DPP10: variants seen among roughly 807,000 people sequenced by gnomAD.
DPP10 encodes dipeptidyl peptidase like 10.
In DPP10, 33 loss-of-function variants were observed where a neutral mutation model predicts 120.9. That is an observed-to-expected ratio of 0.27 (90% CI 0.21 to 0.37). The LOEUF (loss-of-function observed/expected upper bound fraction) is 0.37, where lower values mean the gene tolerates loss of function less well. Ranked by LOEUF, DPP10 falls within the 10% of genes least tolerant of loss-of-function variation. The pLI, the probability that DPP10 is intolerant of heterozygous loss-of-function variation, is 1.00. For synonymous variants in DPP10, 337 were observed against 326.1 expected, an observed-to-expected ratio of 1.03 and a Z score of -0.36; for missense variants, 816 against 942.8, an observed-to-expected ratio of 0.87 and a Z score of 1.76.
chr2:115,647,924 C>T (rs1026668479), intron 5 of DPP10, among the ~76,000 whole-genome samples: 1 of 152,136 alleles, frequency 6.6e-6, no homozygotes. Flanking sequence ...TTACGTTCAT[C>T]GTGAATTTTG....
intron 1 of DPP10, among the ~76,000 whole-genome samples, chr2:115,109,987 C>G (rs1337816564): frequency 1.3e-5 from 2 of 152,152 alleles, no homozygotes; most frequent in African/African-American, 4.8e-5. Context: ...AGTAACTTAG[C>G]AAGTATGAGC....
chr2:114,626,367 A>G lies in DPP10; in HGVS notation c.60+183529A>G, dbSNP rs565878079. Among the ~76,000 whole-genome samples the G allele has an allele frequency of 5.9e-5, 9 of 152,190 alleles. No individual in the cohort carries two copies. In the South Asian group the frequency reaches 1.7e-3, roughly 28 times the overall value. ...AGTAATTCCACCAACTGGATATTTAATGAAGTTTATCTGTTTTCTTTACTT... is the reference window on the plus strand; with the variant it reads ...AGTAATTCCACCAACTGGATATTTAGTGAAGTTTATCTGTTTTCTTTACTT... On this transcript the variant is annotated intron_variant, in intron 1 of 25. Transcript: ENST00000410059.
At chr2:115,680,830 A>C (rs536700930) in intron 5 of DPP10, among the ~76,000 whole-genome samples, 2 of 152,068 alleles carry the variant, frequency 1.3e-5, no homozygotes, top group Admixed American at 6.5e-5. Context: ...CTGTCATATA[A>C]AAAGAGCTTT....
intron 1 of DPP10, among the ~76,000 whole-genome samples, chr2:115,242,805 C>A (rs971078887): frequency 6.6e-6 from 1 of 151,516 alleles, no homozygotes; most frequent in Non-Finnish European, 1.5e-5. Flanking sequence ...TAGCTTAGCT[C>A]CCACTTATAA....
At chr2:115,162,415 C>A in intron 1 of DPP10, 1 of 1,223,222 alleles carries the variant, frequency 8.2e-7, no homozygotes, top group Non-Finnish European at 1.1e-6. Flanking sequence ...GGCCGCTCAC[C>A]GGGTTCGAGC....
intron 1 of DPP10, among the ~76,000 whole-genome samples, chr2:114,554,089 C>A (rs1404639240): frequency 6.6e-6 from 1 of 152,186 alleles, no homozygotes; most frequent in Non-Finnish European, 1.5e-5. Context: ...GTTAGTGAAT[C>A]CATAATTGCT....
rs990828376 is a variant in DPP10 at position 115,797,896 on chromosome 2, ATTTG to A, written c.1700+6545_1700+6548del. ...TTATAGATAATGCCTAAGCTATAATATTTGTTTGGTGTTTATTTTAACTGGAATA... is the reference window on the plus strand; with the variant it reads ...TTATAGATAATGCCTAAGCTATAATATTTGGTGTTTATTTTAACTGGAATA... On this transcript the variant is annotated intron_variant, in intron 19 of 25. Coordinates refer to ENST00000410059, the MANE Select transcript of DPP10 (RefSeq NM_020868.6). Among the ~76,000 whole-genome samples, 40 of 151,750 alleles carry A rather than the reference ATTTG, an allele frequency of 2.6e-4. No individual in the cohort carries two copies. The East Asian group carries it at 4.5e-3, about 17-fold the overall frequency.
intron 1 of DPP10, among the ~76,000 whole-genome samples, chr2:114,517,197 C>T (rs973252025): frequency 2.6e-5 from 4 of 152,114 alleles, no homozygotes; most frequent in Admixed American, 1.3e-4. Context: ...AATCATTTCA[C>T]GGACAAGTTC....
chr2:115,450,022 C>A (rs1479232191), intron 3 of DPP10, among the ~76,000 whole-genome samples: 3 of 152,002 alleles, frequency 2.0e-5, no homozygotes, highest in African/African-American at 7.2e-5. Flanking sequence ...ATTGAGGCCT[C>A]TTGAATCCCA....
rs559865042 is a variant in DPP10, at chr2:114,974,565, T to C, written c.61-334674T>C. Among the ~76,000 whole-genome samples, 228 of 151,768 alleles carry C rather than the reference T, an allele frequency of 1.5e-3. 3 individuals carry two copies. Among genetic ancestry groups the C allele is most frequent in the African/African-American group, 5.3e-3 (218 of 41,420 alleles). ...CCCGAGTAGCTGGGATTAGCCACCATGCCCAGCTAAATTTTGTATTTTTAG... is the reference window on the plus strand; with the variant it reads ...CCCGAGTAGCTGGGATTAGCCACCACGCCCAGCTAAATTTTGTATTTTTAG... On this transcript the variant is annotated intron_variant, in intron 1 of 25. Coordinates refer to ENST00000410059, the MANE Select transcript of DPP10 (RefSeq NM_020868.6).
chr2:115,549,435 A>G (rs543972870), intron 5 of DPP10, among the ~76,000 whole-genome samples: 8 of 151,982 alleles, frequency 5.3e-5, no homozygotes, highest in East Asian at 3.9e-4. Context: ...CTATCCTTCA[A>G]TGTTTAGTCC....
In DPP10 at chr2:114,894,390, A is replaced by G. The variant is rs182808552; in HGVS notation, c.61-414849A>G. 8.4e-4 allele frequency among the ~76,000 whole-genome samples: 128 copies of G among 152,338 alleles called. 1 individual carries two copies. The South Asian group carries it at 0.023, about 27-fold the overall frequency. ...CAACAACAAAGTTTTAAGGAGGTTG[A>G]GGATGAAAATTTGGCCTTAGAAAAA... On this transcript the variant is annotated intron_variant, in intron 1 of 25. Transcript: ENST00000410059.
chr2:114,563,919 A>AT lies in DPP10; in HGVS notation c.60+121083dup, dbSNP rs56967976. 4.3e-3 allele frequency among the ~76,000 whole-genome samples: 649 copies of AT among 152,312 alleles called. 26 individuals carry two copies. In the East Asian group the frequency reaches 0.087, roughly 20 times the overall value. On this transcript the variant is annotated intron_variant, in intron 1 of 25. Coordinates refer to ENST00000410059, the MANE Select transcript of DPP10 (RefSeq NM_020868.6). Reference sequence around the variant, plus strand: ...TGCTCATCTGCCTCTTGCATGTTGCATTCTTGAAGCTTTCCTCTGTCATTT... The same window carrying AT: ...TGCTCATCTGCCTCTTGCATGTTGCATTTCTTGAAGCTTTCCTCTGTCATTT...
At position 114,527,936 on chromosome 2, in the gene DPP10, C is replaced by T. The variant is rs547081079; in HGVS notation, c.60+85098C>T. ...TTGTGTTATAATCTTATGGGACTAC[C>T]GTCATATATATGGTTTGATTTTGTC... On this transcript the variant is annotated intron_variant, in intron 1 of 25. Coordinates refer to ENST00000410059, the MANE Select transcript of DPP10 (RefSeq NM_020868.6). 2.6e-4 allele frequency among the ~76,000 whole-genome samples: 40 copies of T among 152,208 alleles called. No homozygotes were observed. The South Asian group carries it at 7.7e-3, about 29-fold the overall frequency.
chr2:115,203,121 G>A (rs2055863529), intron 1 of DPP10, among the ~76,000 whole-genome samples: 1 of 152,146 alleles, frequency 6.6e-6, no homozygotes, highest in South Asian at 2.1e-4. Flanking sequence ...AGGTGTAGAA[G>A]GTGGGGAATA....
intron 1 of DPP10, among the ~76,000 whole-genome samples, chr2:115,243,211 G>A (rs1464689212): frequency 6.6e-6 from 1 of 152,136 alleles, no homozygotes; most frequent in Admixed American, 6.6e-5. Context: ...CTGCTAAGGC[G>A]TTGACAACTA....
chr2:115,202,354 G>T (rs1311036678), intron 1 of DPP10, among the ~76,000 whole-genome samples: 1 of 152,096 alleles, frequency 6.6e-6, no homozygotes, highest in Admixed American at 6.6e-5. Flanking sequence ...AAAAATATAT[G>T]CTAATTAAGA....
intron 1 of DPP10, among the ~76,000 whole-genome samples, chr2:114,626,493 T>C (rs1461473408): frequency 6.6e-6 from 1 of 152,048 alleles, no homozygotes; most frequent in Non-Finnish European, 1.5e-5. Context: ...TATTGAGACA[T>C]GAAAAATGTT....
At chr2:114,571,773 TATTA>T (rs1465047726) in intron 1 of DPP10, among the ~76,000 whole-genome samples, 2 of 151,120 alleles carry the variant, frequency 1.3e-5, no homozygotes, top group Non-Finnish European at 2.9e-5. Context: ...AAGCAGAGGT[TATTA>T]ATTAATATAA....
Sources: gnomAD v4.1 joint callset for allele counts (sites outside exome capture counted in the v4.1 genomes callset) on GRCh38, gnomAD v4.1.1 for gene constraint, MANE v1.5 for transcripts, NCBI Gene and HGNC (gene_info 2026-07-23, HGNC 2026-07-21) for gene names.